CREM: variants seen among roughly 807,000 people sequenced by gnomAD.
CREM encodes cAMP responsive element modulator.
A neutral mutation model predicts 37.3 loss-of-function variants in CREM; 13 were observed. The observed-to-expected ratio is 0.35, with a 90% CI of 0.23 to 0.55. The LOEUF is 0.55. Ranked by LOEUF, CREM falls within the 20% of genes least tolerant of loss-of-function variation. The pLI is 0.88. For missense variants in CREM, 296 were observed against 362.3 expected (o/e 0.82, Z 1.49); for synonymous variants, 124 against 120.2 (o/e 1.03, Z -0.21).
At chr10:35,148,652 C>A (rs770121371) in intron 3 of CREM, 161 bp downstream of exon 3, 41 of 792,072 alleles carry the variant, frequency 5.2e-5, no homozygotes, top group Non-Finnish European at 7.4e-5. Context: ...TTGTAATTAG[C>A]CTTGCATTTT....
intron 3 of CREM, among the ~76,000 whole-genome samples, chr10:35,173,181 A>G (rs1193279545): frequency 6.6e-6 from 1 of 152,244 alleles, no homozygotes; most frequent in South Asian, 2.1e-4. Context: ...TACAAGACAG[A>G]TCAATGGATT....
chr10:35,139,469 T>C (rs938424820), intron 2 of CREM, among the ~76,000 whole-genome samples: 6 of 152,170 alleles, frequency 3.9e-5, no homozygotes, highest in Non-Finnish European at 8.8e-5. Context: ...GAACCAAATA[T>C]TTGCCAGTAT....
At chr10:35,157,141 GACCA>G in intron 3 of CREM, among the ~76,000 whole-genome samples, 1 of 152,166 alleles carries the variant, frequency 6.6e-6, no homozygotes, top group Non-Finnish European at 1.5e-5. Flanking sequence ...GAAGGAAAAA[GACCA>G]TATCATCATC....
At chr10:35,177,370 A>C (rs1242428185) in intron 3 of CREM, among the ~76,000 whole-genome samples, 1 of 152,222 alleles carries the variant, frequency 6.6e-6, no homozygotes, top group Non-Finnish European at 1.5e-5. Flanking sequence ...AAGTCTTTCC[A>C]ACCTCTTCTT....
intron 3 of CREM, among the ~76,000 whole-genome samples, chr10:35,172,669 T>G (rs2093876711): frequency 6.6e-6 from 1 of 152,112 alleles, no homozygotes; most frequent in South Asian, 2.1e-4. Flanking sequence ...ACATGCTGTT[T>G]TGATATTCTG....
Position 35,192,054 on chromosome 10 carries a change from C to G in CREM, c.598+3666C>G, listed in dbSNP as rs137974374. Among the ~76,000 whole-genome samples, 1,064 of 152,256 alleles carry G rather than the reference C, an allele frequency of 7.0e-3. 16 individuals are homozygous for G. Among genetic ancestry groups the G allele is most frequent in the African/African-American group, 0.024 (1,000 of 41,584 alleles). ...AATGCTTCTGCCACTCCACAGCCCTCTGTCCTGGCCCTGGCCCTGGCCTGG... is the reference window on the plus strand; with the variant it reads ...AATGCTTCTGCCACTCCACAGCCCTGTGTCCTGGCCCTGGCCCTGGCCTGG... On this transcript the variant is annotated intron_variant, in intron 6 of 7. Coordinates refer to ENST00000685392, the MANE Select transcript of CREM (RefSeq NM_183011.2).
At chr10:35,173,488 A>AT (rs1185175122) in intron 3 of CREM, among the ~76,000 whole-genome samples, 1 of 152,152 alleles carries the variant, frequency 6.6e-6, no homozygotes, top group Non-Finnish European at 1.5e-5. Context: ...TACTCTTCTG[A>AT]TTTTTTTGAA....
At chr10:35,207,643 G>A (rs2095564996) in intron 7 of CREM, among the ~76,000 whole-genome samples, 1 of 151,470 alleles carries the variant, frequency 6.6e-6, no homozygotes, top group African/African-American at 2.4e-5. Context: ...GTGTGGTGGT[G>A]TGCACCTGTA....
At chr10:35,171,739 G>A (rs774822836) in intron 3 of CREM, among the ~76,000 whole-genome samples, 1 of 152,140 alleles carries the variant, frequency 6.6e-6, no homozygotes, top group Non-Finnish European at 1.5e-5. Context: ...CAAGTACATT[G>A]TCTTCAGATA....
At chr10:35,209,249 A>G (rs1278119401) in intron 7 of CREM, 20 of 908,978 alleles carry the variant, frequency 2.2e-5, no homozygotes, top group Non-Finnish European at 2.6e-5. Context: ...ATTGGCATCT[A>G]TAATCGATAT....
chr10:35,151,557 G>T (rs1303290193), intron 3 of CREM, among the ~76,000 whole-genome samples: 1 of 152,144 alleles, frequency 6.6e-6, no homozygotes, highest in East Asian at 1.9e-4. Context: ...TGTGTTTTTA[G>T]TAGAGAGGGT....
intron 6 of CREM, among the ~76,000 whole-genome samples, chr10:35,200,222 C>T (rs1324942110): frequency 2.6e-5 from 4 of 152,090 alleles, no homozygotes; most frequent in African/African-American, 7.2e-5. Context: ...TTATTACTCT[C>T]ATAGGACAGT....
chr10:35,172,795 T>C (rs944013610), intron 3 of CREM, among the ~76,000 whole-genome samples: 1 of 152,112 alleles, frequency 6.6e-6, no homozygotes, highest in Non-Finnish European at 1.5e-5. Flanking sequence ...TAGCTGCCTG[T>C]TTTTCCACAG....
intron 3 of CREM, among the ~76,000 whole-genome samples, chr10:35,159,791 G>A (rs545303279): frequency 2.0e-5 from 3 of 152,262 alleles, no homozygotes; most frequent in Admixed American, 2.0e-4. Context: ...CCTACAGAAT[G>A]GGAGAAAATA....
intron 3 of CREM, among the ~76,000 whole-genome samples, chr10:35,149,303 T>C (rs1249129377): frequency 6.6e-6 from 1 of 152,184 alleles, no homozygotes; most frequent in Non-Finnish European, 1.5e-5. Flanking sequence ...GCGAAGAGTG[T>C]GCACAGAGGC....
chr10:35,153,579 G>A (rs1182487974), intron 3 of CREM, among the ~76,000 whole-genome samples: 1 of 152,252 alleles, frequency 6.6e-6, no homozygotes, highest in East Asian at 1.9e-4. Context: ...TGAAGACCTA[G>A]GTGGGTAAGG....
chr10:35,209,419 G>GT (rs2095615222), intron 7 of CREM: 21 of 948,288 alleles, frequency 2.2e-5, no homozygotes, highest in Non-Finnish European at 2.5e-5. Flanking sequence ...AGAAACAGGT[G>GT]TTTTCCATGG....
intron 3 of CREM, among the ~76,000 whole-genome samples, chr10:35,168,700 A>G (rs1474839532): frequency 6.6e-6 from 1 of 152,148 alleles, no homozygotes; most frequent in Non-Finnish European, 1.5e-5. Flanking sequence ...GGTATTGCCT[A>G]GGTTTTCTTC....
chr10:35,159,812 A>G (rs973932788), intron 3 of CREM, among the ~76,000 whole-genome samples: 3 of 152,222 alleles, frequency 2.0e-5, no homozygotes, highest in Admixed American at 6.5e-5. Flanking sequence ...TTTGCAAACT[A>G]TACATCTGAT....
Sources: allele counts gnomAD v4.1 joint callset (sites outside exome capture counted in the v4.1 genomes callset), GRCh38; gene constraint gnomAD v4.1.1; transcripts MANE v1.5; gene names NCBI Gene and HGNC (gene_info 2026-07-23, HGNC 2026-07-21).